TXLNB: variants seen among roughly 807,000 people sequenced by gnomAD.
The protein encoded by TXLNB is taxilin beta, also known as beta-taxilin.
In TXLNB, 37 loss-of-function variants were observed where a neutral mutation model predicts 57.4. The ratio of observed to expected loss-of-function variants is 0.64; its 90% CI spans 0.50 to 0.85. TXLNB has a LOEUF of 0.85. Ranked by LOEUF, TXLNB falls within the 40% of genes least tolerant of loss-of-function variation. The pLI, the probability that TXLNB is intolerant of heterozygous loss-of-function variation, is 0.00. For synonymous variants in TXLNB, 302 were observed against 309.6 expected (o/e 0.98, Z 0.26); for missense variants, 848 against 825.6 (o/e 1.03, Z -0.33).
chr6:139,200,939 C>G, the TXLNB span, among the ~76,000 whole-genome samples: 7,624 of 152,164 alleles, frequency 0.05, 211 homozygotes, highest in African/African-American at 0.063. Context: ...CCTTCCTGGT[C>G]TCTATCCAGT....
chr6:139,233,543 C>G, the TXLNB span, among the ~76,000 whole-genome samples: 264 of 151,858 alleles, frequency 1.7e-3, 4 homozygotes, highest in East Asian at 0.045. Context: ...CTTGGTGAGT[C>G]TCATGAGATC....
At chr6:139,312,053 A>G in the TXLNB span, among the ~76,000 whole-genome samples, 21 of 152,192 alleles carry the variant, frequency 1.4e-4, no homozygotes, top group Non-Finnish European at 3.1e-4. Flanking sequence ...TCAACATACG[A>G]ATGTTGGAGG....
the TXLNB span, among the ~76,000 whole-genome samples, chr6:139,308,678 G>A: frequency 3.3e-5 from 5 of 152,196 alleles, no homozygotes; most frequent in Non-Finnish European, 7.3e-5. Context: ...GGAGAAATGA[G>A]TATCACCCAG....
intron 2 of TXLNB, among the ~76,000 whole-genome samples, chr6:139,277,803 TG>T (rs1776938712): frequency 6.6e-6 from 1 of 152,222 alleles, no homozygotes; most frequent in Admixed American, 6.5e-5. Flanking sequence ...AAAACCACTC[TG>T]TTTAATCAGA....
At chr6:139,228,050 A>C in the TXLNB span, among the ~76,000 whole-genome samples, 1 of 152,208 alleles carries the variant, frequency 6.6e-6, no homozygotes, top group Non-Finnish European at 1.5e-5. Flanking sequence ...TAAAATGAGA[A>C]ATGAGATTTT....
At chr6:139,194,366 GTATC>G in the TXLNB span, among the ~76,000 whole-genome samples, 28 of 152,224 alleles carry the variant, frequency 1.8e-4, no homozygotes, top group Non-Finnish European at 3.5e-4. Flanking sequence ...GTCTCACAGA[GTATC>G]TATCAGACAT....
chr6:139,303,135 TTAAC>T, the TXLNB span, among the ~76,000 whole-genome samples: 1 of 152,208 alleles, frequency 6.6e-6, no homozygotes, highest in Admixed American at 6.5e-5. Context: ...TCATTGGTAA[TTAAC>T]TAATGTGTTT....
At chr6:139,193,761 C>T in the TXLNB span, among the ~76,000 whole-genome samples, 1 of 150,386 alleles carries the variant, frequency 6.6e-6, no homozygotes. Context: ...ACAAGCGATT[C>T]TCCTGCCTCA....
At chr6:139,166,900 G>A in the TXLNB span, 1 of 1,614,024 alleles carries the variant, frequency 6.2e-7, no homozygotes, top group East Asian at 2.2e-5. Context: ...ACCTCGGGGA[G>A]TTCTTAAAGA....
At chr6:139,252,978 T>C (rs992441910) in intron 7 of TXLNB, among the ~76,000 whole-genome samples, 1 of 152,108 alleles carries the variant, frequency 6.6e-6, no homozygotes, top group Non-Finnish European at 1.5e-5. Context: ...GGCAACAGAG[T>C]GAGACACCGT....
At chr6:139,293,081 A>G (rs1212184307), upstream of TXLNB, among the ~76,000 whole-genome samples, 6 of 152,118 alleles carry the variant, frequency 3.9e-5, no homozygotes, top group Admixed American at 6.6e-5. Context: ...GGTGGGTTCA[A>G]TGTAATCATA....
At chr6:139,166,193 A>AG in the TXLNB span, 4 of 1,021,168 alleles carry the variant, frequency 3.9e-6, no homozygotes, top group African/African-American at 6.5e-5. Context: ...TTCATGTCTT[A>AG]GAAAAACCTT....
intron 4 of TXLNB, among the ~76,000 whole-genome samples, chr6:139,268,518 C>T (rs1776674420): frequency 6.6e-6 from 1 of 151,898 alleles, no homozygotes; most frequent in South Asian, 2.1e-4. Flanking sequence ...CTAAATAATC[C>T]CTGGGTCAAA....
the TXLNB span, among the ~76,000 whole-genome samples, chr6:139,185,726 T>C: frequency 2.6e-4 from 39 of 152,144 alleles, no homozygotes; most frequent in African/African-American, 8.2e-4. Flanking sequence ...AAACATAGGA[T>C]AGAGTCATAC....
intron 8 of TXLNB, among the ~76,000 whole-genome samples, chr6:139,247,301 C>G (rs559670186): frequency 1.6e-3 from 249 of 152,150 alleles, no homozygotes; most frequent in African/African-American, 5.8e-3. Context: ...GCCACCACGC[C>G]TGGCTAATTT....
chr6:139,312,710 T>C, the TXLNB span, among the ~76,000 whole-genome samples: 1 of 152,178 alleles, frequency 6.6e-6, no homozygotes. Flanking sequence ...GCTGATTATA[T>C]AGCATACGCA....
the TXLNB span, among the ~76,000 whole-genome samples, chr6:139,182,471 G>A: frequency 1.3e-5 from 2 of 152,166 alleles, no homozygotes; most frequent in South Asian, 4.1e-4. Flanking sequence ...CTTATTGGTG[G>A]TTTCCATTAC....
chr6:139,317,789 GA>G, the TXLNB span, among the ~76,000 whole-genome samples: 1 of 152,120 alleles, frequency 6.6e-6, no homozygotes, highest in African/African-American at 2.4e-5. Context: ...ATGATCCAAT[GA>G]AAGTTATAGT....
At chr6:139,163,352 CTTTTTTTTTT>C in the TXLNB span, among the ~76,000 whole-genome samples, 8 of 142,458 alleles carry the variant, frequency 5.6e-5, no homozygotes, top group Middle Eastern at 3.6e-3. Context: ...GTTCTCCATT[CTTTTTTTTTT>C]TTTTTTTTTT....
Sources: allele counts gnomAD v4.1 joint callset (sites outside exome capture counted in the v4.1 genomes callset), GRCh38; gene constraint gnomAD v4.1.1; transcripts MANE v1.5; gene names NCBI Gene and HGNC (gene_info 2026-07-23, HGNC 2026-07-21).